The following PCDHA9 variants were observed in gnomAD, a reference collection of about 807,000 sequenced individuals.
The protein encoded by PCDHA9 is protocadherin alpha-9.
A neutral mutation model predicts 62.0 loss-of-function variants in PCDHA9; 62 were observed. The observed-to-expected ratio is 1.00, with a 90% confidence interval of 0.81 to 1.23. The LOEUF (loss-of-function observed/expected upper bound fraction) is 1.23. Among genes scored for constraint, PCDHA9 ranks in the 50% most tolerant of loss-of-function variants. The pLI, the probability that PCDHA9 is intolerant of heterozygous loss-of-function variation, is 0.00. For synonymous variants in PCDHA9, 557 were observed against 567.6 expected, an observed-to-expected ratio of 0.98 and a Z score of 0.27; for missense variants, 1,205 against 1,249.8, an observed-to-expected ratio of 0.96 and a Z score of 0.54.
chr5:141,010,274 T>C lies in PCDHA9; in HGVS notation c.*337T>C, dbSNP rs1554262865. On this transcript the variant is annotated 3_prime_UTR_variant, in exon 4 of 4. Coordinates refer to ENST00000532602, the MANE Select transcript of PCDHA9 (RefSeq NM_031857.2). ...TCTGCCCTGTGCTCCGGGGATCCTG[T>C]CTTGATGACACTTGCAGGGCAGGCT... is the stretch of plus-strand genomic sequence containing the variant. The C allele has an allele frequency of 6.4e-7, 1 of 1,551,424 alleles. No homozygotes were observed. Among genetic ancestry groups the C allele is most frequent in the Admixed American group, 2.0e-5 (1 of 50,930 alleles).
chr5:140,929,414 A>C, intron 1 of PCDHA9: 1 of 1,504,422 alleles, frequency 6.6e-7, no homozygotes. Flanking sequence ...GCCTTTCACA[A>C]CATTTCATCA....
chr5:140,984,271 A>G (rs1403531837), intron 3 of PCDHA9, among the ~76,000 whole-genome samples: 1 of 152,196 alleles, frequency 6.6e-6, no homozygotes, highest in African/African-American at 2.4e-5. Context: ...ACTAACTTTG[A>G]ATACATTCTC....
intron 1 of PCDHA9, chr5:140,928,544 A>G (rs1554205985): frequency 3.1e-6 from 5 of 1,614,062 alleles, no homozygotes; most frequent in Middle Eastern, 1.6e-4. Flanking sequence ...AGGAATGACA[A>G]TTATCCGGTT....
chr5:140,911,894 A>G (rs1352900427), intron 1 of PCDHA9, among the ~76,000 whole-genome samples: 2 of 152,184 alleles, frequency 1.3e-5, no homozygotes, highest in Non-Finnish European at 2.9e-5. Context: ...CAAAATCTGT[A>G]TTAGTCAGAG....
intron 1 of PCDHA9, among the ~76,000 whole-genome samples, chr5:140,959,969 C>T (rs1203367528): frequency 6.6e-6 from 1 of 152,104 alleles, no homozygotes; most frequent in African/African-American, 2.4e-5. Context: ...GTAGATGTTA[C>T]TGAAAGAAGA....
intron 1 of PCDHA9, chr5:140,856,972 C>T: frequency 6.3e-7 from 1 of 1,594,490 alleles, no homozygotes; most frequent in Non-Finnish European, 8.6e-7. Context: ...ATGCTATTGA[C>T]TTTGAGGACA....
At chr5:140,865,982 C>T (rs2049081742) in intron 1 of PCDHA9, 1 of 152,078 alleles carries the variant, frequency 6.6e-6, no homozygotes, top group South Asian at 2.1e-4. Flanking sequence ...ATTGAGATGG[C>T]ACTAAGTTTT....
intron 1 of PCDHA9, among the ~76,000 whole-genome samples, chr5:140,891,445 G>T (rs1036846382): frequency 6.7e-6 from 1 of 148,520 alleles, no homozygotes; most frequent in Non-Finnish European, 1.5e-5. Context: ...CCATTGTATA[G>T]GATTTTTGAA....
intron 3 of PCDHA9, among the ~76,000 whole-genome samples, chr5:140,987,098 C>A (rs2153859479): frequency 6.6e-6 from 1 of 151,952 alleles, no homozygotes; most frequent in Admixed American, 6.6e-5. Flanking sequence ...CCTGTAATCC[C>A]AGCTACTCGG....
intron 3 of PCDHA9, among the ~76,000 whole-genome samples, chr5:140,990,421 G>A (rs374181612): frequency 2.6e-5 from 4 of 152,190 alleles, no homozygotes; most frequent in Non-Finnish European, 5.9e-5. Flanking sequence ...CTTTCAACCA[G>A]CATTGACCCA....
intron 1 of PCDHA9, chr5:140,876,720 G>C (rs781797133): frequency 2.5e-6 from 4 of 1,614,264 alleles, no homozygotes; most frequent in Non-Finnish European, 3.4e-6. Flanking sequence ...TGGACCGCGA[G>C]AGCGTGTCGG....
chr5:140,968,080 G>A (rs782815703), intron 1 of PCDHA9: 14 of 1,614,102 alleles, frequency 8.7e-6, no homozygotes, highest in Middle Eastern at 1.7e-4. Context: ...ACAACATCAC[G>A]GTGACAGCCA....
Position 141,009,900 on chromosome 5 carries a change from A to G in PCDHA9, c.2816A>G (p.Glu939Gly). The G allele has an allele frequency of 6.2e-7, 1 of 1,613,166 alleles. No individual in the cohort carries two copies. The highest frequency in any genetic ancestry group is 8.5e-7 in the Non-Finnish European group (1 of 1,179,840). Residue 939 changes from glutamate (E) to glycine (G), a missense_variant, in exon 4 of 4, where the codon GAG becomes GGG. Physicochemically the swap from Glu to Gly is moderately conservative, Grantham distance 98. Around this residue, in one of 3 missense-constraint regions of PCDHA9, gnomAD observed 887 missense variants for 809.5 expected, o/e 1.10. Coordinates refer to ENST00000532602, the MANE Select transcript of PCDHA9 (RefSeq NM_031857.2). Reference sequence around the variant, plus strand: ...GGTAACAAGACCCAGGAGAAAAAAGAGAAAGGGAACAGCACGACTGACAAC... The same window carrying G: ...GGTAACAAGACCCAGGAGAAAAAAGGGAAAGGGAACAGCACGACTGACAAC... ...KKGNKTQEKK[E>G]KGNSTTDNSD...
intron 3 of PCDHA9, among the ~76,000 whole-genome samples, chr5:141,000,419 A>G (rs1394449061): frequency 1.6e-5 from 1 of 61,008 alleles, no homozygotes; most frequent in African/African-American, 7.6e-5. Flanking sequence ...ATATATATAT[A>G]TATTTTTTTT....
intron 3 of PCDHA9, among the ~76,000 whole-genome samples, chr5:140,988,142 A>G (rs1017336547): frequency 5.3e-5 from 8 of 152,056 alleles, no homozygotes; most frequent in African/African-American, 1.4e-4. Context: ...AACCTGTTCA[A>G]CCTCAACTTC....
intron 1 of PCDHA9, chr5:140,928,209 T>C: frequency 6.2e-7 from 1 of 1,614,222 alleles, no homozygotes; most frequent in South Asian, 1.1e-5. Flanking sequence ...CTGATGTGAA[T>C]GACAATACAC....
At chr5:140,884,033 C>T in intron 1 of PCDHA9, 1 of 1,613,402 alleles carries the variant, frequency 6.2e-7, no homozygotes, top group Non-Finnish European at 8.5e-7. Context: ...GGGTGCAGGC[C>T]ACGTGGTGGC....
chr5:140,857,611 G>C, intron 1 of PCDHA9: 2 of 1,596,436 alleles, frequency 1.3e-6, no homozygotes, highest in Non-Finnish European at 1.7e-6. Flanking sequence ...CGCTGCAGCC[G>C]CTGGACCACG....
intron 1 of PCDHA9, among the ~76,000 whole-genome samples, chr5:140,925,189 C>T (rs1488098385): frequency 1.3e-5 from 2 of 152,116 alleles, no homozygotes; most frequent in Non-Finnish European, 1.5e-5. Context: ...TACCATCACC[C>T]AGCTTCAATA....
Sources: gnomAD v4.1 joint callset for allele counts (sites outside exome capture counted in the v4.1 genomes callset) on GRCh38, gnomAD v4.1.1 for gene constraint, gnomAD v4.1.1 regional missense constraint, MANE v1.5 for transcripts, NCBI Gene and HGNC (gene_info 2026-07-23, HGNC 2026-07-21) for gene names.